The following RFPL1 variants were observed in gnomAD, a reference collection of about 807,000 sequenced individuals.
RFPL1 encodes ret finger protein like 1.
Under a neutral mutation model 9.6 loss-of-function variants are expected in RFPL1, and 6 were observed. The ratio of observed to expected loss-of-function variants is 0.62; its 90% CI spans 0.34 to 1.23. The LOEUF is 1.23. Among genes scored for constraint, RFPL1 ranks in the 50% most tolerant of loss-of-function variants. The probability of loss-of-function intolerance (pLI) is 0.03; values close to 1 mark genes in which losing one functional copy is unlikely to be tolerated. For synonymous variants in RFPL1, 145 were observed against 149.4 expected, an observed-to-expected ratio of 0.97 and a Z score of 0.22; for missense variants, 352 against 398.4, an observed-to-expected ratio of 0.88 and a Z score of 0.99.
chr22:29,441,951 T>C, exon 2 of RFPL1: 1 of 1,614,010 alleles, frequency 6.2e-7, no homozygotes, highest in Non-Finnish European at 8.5e-7. Flanking sequence ...TTTTTGATGC[T>C]GAAGGTGGTT....
chr22:29,419,973 C>T, the RFPL1 span, among the ~76,000 whole-genome samples: 3 of 152,282 alleles, frequency 2.0e-5, no homozygotes, highest in South Asian at 6.2e-4. Flanking sequence ...CAAAGCTGTC[C>T]TCAGCTACCC....
chr22:29,415,449 G>T, the RFPL1 span, among the ~76,000 whole-genome samples: 1 of 152,202 alleles, frequency 6.6e-6, no homozygotes, highest in Non-Finnish European at 1.5e-5. Flanking sequence ...CTGCTCTGAC[G>T]AGGCATTGCA....
chr22:29,390,582 T>TTTTATTTATTTATTTATTTATTTATTTA, the RFPL1 span, among the ~76,000 whole-genome samples: 76 of 146,932 alleles, frequency 5.2e-4, no homozygotes, highest in African/African-American at 1.7e-3. Context: ...CTTATTCCAT[T>TTTTATTTATTTATTTATTTATTTATTTA]TTTATTTATT....
At chr22:29,410,404 T>G in the RFPL1 span, among the ~76,000 whole-genome samples, 2 of 97,200 alleles carry the variant, frequency 2.1e-5, no homozygotes, top group African/African-American at 9.1e-5. Flanking sequence ...TGTAGATATA[T>G]ATCTATATAT....
chr22:29,434,139 G>A (rs905620985), upstream of RFPL1, among the ~76,000 whole-genome samples: 6 of 152,084 alleles, frequency 3.9e-5, no homozygotes, highest in African/African-American at 7.2e-5. Context: ...GACATAAGCC[G>A]CCGTACACAG....
exon 2 of RFPL1, chr22:29,442,151 G>C (rs2062844325): frequency 6.7e-7 from 1 of 1,491,050 alleles, no homozygotes; most frequent in African/African-American, 1.4e-5. Context: ...CAAAAAACAG[G>C]TTAAGAAAAT....
the RFPL1 span, among the ~76,000 whole-genome samples, chr22:29,394,003 T>G: frequency 6.6e-6 from 1 of 152,016 alleles, no homozygotes; most frequent in African/African-American, 2.4e-5. Context: ...AGAGATGAGG[T>G]CTCACTATGT....
At chr22:29,415,030 G>A in the RFPL1 span, among the ~76,000 whole-genome samples, 37 of 152,120 alleles carry the variant, frequency 2.4e-4, no homozygotes, top group South Asian at 6.2e-3. Flanking sequence ...AGGCACGCCC[G>A]TTCGTCAAGC....
chr22:29,431,022 T>G, the RFPL1 span, among the ~76,000 whole-genome samples: 1 of 151,980 alleles, frequency 6.6e-6, no homozygotes, highest in Non-Finnish European at 1.5e-5. Context: ...TAAATCAAAA[T>G]CTGATTGGGT....
the RFPL1 span, among the ~76,000 whole-genome samples, chr22:29,424,927 A>G: frequency 1.3e-5 from 2 of 150,334 alleles, no homozygotes; most frequent in Non-Finnish European, 3.0e-5. Context: ...ACTCCAGGCC[A>G]GGCGCGGTGG....
chr22:29,390,399 T>A, the RFPL1 span, among the ~76,000 whole-genome samples: 1 of 152,058 alleles, frequency 6.6e-6, no homozygotes. Context: ...CCTTTAAAAG[T>A]TATTTTTAAA....
the RFPL1 span, among the ~76,000 whole-genome samples, chr22:29,408,859 C>A: frequency 4.6e-5 from 7 of 152,086 alleles, no homozygotes; most frequent in Admixed American, 2.6e-4. Flanking sequence ...CTAAATATTC[C>A]AAAAAACCCA....
the RFPL1 span, among the ~76,000 whole-genome samples, chr22:29,430,597 A>G: frequency 6.6e-6 from 1 of 152,124 alleles, no homozygotes; most frequent in East Asian, 1.9e-4. Flanking sequence ...TTTCTTTTAA[A>G]CCAAACTTCT....
At chr22:29,418,230 G>A in the RFPL1 span, among the ~76,000 whole-genome samples, 5 of 151,960 alleles carry the variant, frequency 3.3e-5, no homozygotes, top group Admixed American at 1.3e-4. Context: ...ACCCAGCCTC[G>A]AATGGGTTTT....
the RFPL1 span, chr22:29,423,010 T>C: frequency 8.2e-6 from 7 of 848,760 alleles, no homozygotes; most frequent in African/African-American, 1.2e-4. Context: ...AGGTCATTCC[T>C]GCCACATGTT....
At chr22:29,425,937 T>C in the RFPL1 span, among the ~76,000 whole-genome samples, 1 of 152,094 alleles carries the variant, frequency 6.6e-6, no homozygotes, top group Non-Finnish European at 1.5e-5. Context: ...TTTGTTATGA[T>C]GTATTTTTTG....
the RFPL1 span, among the ~76,000 whole-genome samples, chr22:29,427,416 A>C: frequency 1.3e-5 from 2 of 152,182 alleles, no homozygotes; most frequent in Admixed American, 6.5e-5. Flanking sequence ...CCCTCAAGTC[A>C]CATTTACCCT....
chr22:29,427,140 C>G, the RFPL1 span, among the ~76,000 whole-genome samples: 4 of 152,350 alleles, frequency 2.6e-5, no homozygotes, highest in East Asian at 7.7e-4. Flanking sequence ...CCTGGCCTGG[C>G]CACCCAGCAG....
chr22:29,402,428 G>A, the RFPL1 span, among the ~76,000 whole-genome samples: 1 of 152,212 alleles, frequency 6.6e-6, no homozygotes, highest in Non-Finnish European at 1.5e-5. Context: ...AAGAAACAGA[G>A]GGAGAAAAGA....
Sources: allele counts gnomAD v4.1 joint callset (sites outside exome capture counted in the v4.1 genomes callset), GRCh38; gene constraint gnomAD v4.1.1; transcripts MANE v1.5; gene names NCBI Gene and HGNC (gene_info 2026-07-23, HGNC 2026-07-21).